The following BBX variants were observed in gnomAD, a reference collection of about 807,000 sequenced individuals.
BBX encodes the protein BBX high mobility group box domain containing.
A neutral mutation model predicts 100.2 loss-of-function variants in BBX; 30 were observed. The observed-to-expected ratio is 0.30, with a 90% CI of 0.22 to 0.41. The LOEUF (loss-of-function observed/expected upper bound fraction) is 0.41, where lower values mean the gene tolerates loss of function less well. BBX is among the 10% of genes least tolerant of loss of function. BBX has a pLI of 1.00. For synonymous variants in BBX, 376 were observed against 388.1 expected (o/e 0.97, Z 0.37); for missense variants, 1,023 against 1,129.8 (o/e 0.91, Z 1.35).
intron 7 of BBX, among the ~76,000 whole-genome samples, chr3:107,737,897 T>TTG (rs1481357915): frequency 7.9e-5 from 11 of 140,022 alleles, no homozygotes; most frequent in African/African-American, 2.9e-4. Flanking sequence ...TTTTTTTTTT[T>TTG]TTTTTTTTTT....
chr3:107,718,241 A>C (rs2062252458), intron 5 of BBX, among the ~76,000 whole-genome samples: 1 of 147,648 alleles, frequency 6.8e-6, no homozygotes, highest in Admixed American at 6.8e-5. Flanking sequence ...ATTAGTGTTA[A>C]TATAACTATT....
At chr3:107,666,822 G>A (rs1024772580) in intron 3 of BBX, among the ~76,000 whole-genome samples, 1 of 152,106 alleles carries the variant, frequency 6.6e-6, no homozygotes, top group Non-Finnish European at 1.5e-5. Flanking sequence ...CACCCGCCTC[G>A]GCCTCCCAAA....
chr3:107,752,919 T>C (rs1271755484), intron 9 of BBX, among the ~76,000 whole-genome samples: 1 of 152,230 alleles, frequency 6.6e-6, no homozygotes, highest in Non-Finnish European at 1.5e-5. Flanking sequence ...TGAAAGGATG[T>C]ATATATCTCT....
intron 14 of BBX, among the ~76,000 whole-genome samples, chr3:107,790,304 T>C (rs935470620): frequency 6.6e-6 from 1 of 152,214 alleles, no homozygotes; most frequent in African/African-American, 2.4e-5. Context: ...CCCGTTTCTG[T>C]ACTTCCTCTG....
intron 2 of BBX, among the ~76,000 whole-genome samples, chr3:107,561,843 A>G (rs1040026335): frequency 8.5e-5 from 13 of 152,182 alleles, no homozygotes; most frequent in Admixed American, 5.2e-4. Flanking sequence ...AAGTTCATGC[A>G]TATTTGTTAT....
chr3:107,550,359 A>G (rs1480344451), intron 2 of BBX, among the ~76,000 whole-genome samples: 1 of 152,096 alleles, frequency 6.6e-6, no homozygotes, highest in Admixed American at 6.5e-5. Flanking sequence ...TTTTGACGCT[A>G]TTGTTGGGGA....
chr3:107,802,868 T>C (rs1217590339), intron 17 of BBX, among the ~76,000 whole-genome samples: 1 of 152,196 alleles, frequency 6.6e-6, no homozygotes, highest in African/African-American at 2.4e-5. Context: ...TCAGGTGAAC[T>C]GCTCTCCTTC....
At chr3:107,684,976 T>C (rs1199737783) in intron 3 of BBX, among the ~76,000 whole-genome samples, 1 of 152,208 alleles carries the variant, frequency 6.6e-6, no homozygotes. Flanking sequence ...TTACATATTT[T>C]AGAAAGTAGA....
chr3:107,688,189 A>G (rs962274916), intron 3 of BBX, among the ~76,000 whole-genome samples: 2 of 152,236 alleles, frequency 1.3e-5, no homozygotes, highest in Admixed American at 6.5e-5. Flanking sequence ...TTACTTTCCT[A>G]TAAAGGCCCA....
intron 2 of BBX, among the ~76,000 whole-genome samples, chr3:107,586,801 A>G (rs2052878742): frequency 6.6e-6 from 1 of 151,444 alleles, no homozygotes; most frequent in Admixed American, 6.6e-5. Flanking sequence ...CCCAGGCTAG[A>G]GTGCAATGGT....
chr3:107,791,404 C>T (rs2107941739), intron 15 of BBX, 105 bp downstream of exon 15: 1 of 917,556 alleles, frequency 1.1e-6, no homozygotes, highest in East Asian at 2.5e-5. Flanking sequence ...AACAACAGCA[C>T]TAGACTTATG....
At chr3:107,666,849 G>A (rs1219251793) in intron 3 of BBX, among the ~76,000 whole-genome samples, 2 of 152,026 alleles carry the variant, frequency 1.3e-5, no homozygotes, top group East Asian at 3.9e-4. Flanking sequence ...GGATTACAGG[G>A]GCGAGCCACT....
In BBX at chr3:107,808,624, A is replaced by T. The variant is rs2071173988; in HGVS notation, c.*3167A>T. ...AGTGAAAGAAAAAATACTGTAAGAC[A>T]TCCTTAAAGTTTTTATTTGTTTGGG... On this transcript the variant is annotated 3_prime_UTR_variant, in exon 18 of 18. Transcript: ENST00000325805. 1 of 152,202 alleles carries T rather than the reference A, an allele frequency of 6.6e-6. No homozygotes were observed. The allele number at this position is 152,202 out of a possible 1,614,324, so 9.4% of individuals were successfully genotyped here. A position where few individuals can be genotyped will look rare whatever the true frequency, so the allele number is the denominator to read the frequency against.
At chr3:107,634,583 T>G (rs1576099161) in intron 2 of BBX, among the ~76,000 whole-genome samples, 1 of 152,348 alleles carries the variant, frequency 6.6e-6, no homozygotes, top group Non-Finnish European at 1.5e-5. Context: ...CCAAAATTTA[T>G]TATATGAAAC....
Position 107,612,975 on chromosome 3 carries a change from A to G in BBX, c.-83-32861A>G, listed in dbSNP as rs539248008. 5.9e-5 allele frequency among the ~76,000 whole-genome samples: 9 copies of G among 151,418 alleles called. No homozygotes were observed. In the East Asian group the frequency reaches 1.8e-3, roughly 30 times the overall value. ...GAAACCACAAGACAAAGTCCTTCTC[A>G]CTCTTCCCTCCCCTTTCCCCAGGCA... On this transcript the variant is annotated intron_variant, in intron 2 of 17. Coordinates refer to ENST00000325805, the MANE Select transcript of BBX (RefSeq NM_001142568.3).
At chr3:107,763,277 T>C (rs1178637018) in intron 10 of BBX, among the ~76,000 whole-genome samples, 1 of 150,036 alleles carries the variant, frequency 6.7e-6, no homozygotes, top group Non-Finnish European at 1.5e-5. Context: ...CAGGCTGGAG[T>C]GCGGTGGCGC....
At chr3:107,722,147 T>A (rs1246487336) in intron 5 of BBX, among the ~76,000 whole-genome samples, 1 of 152,022 alleles carries the variant, frequency 6.6e-6, no homozygotes, top group African/African-American at 2.4e-5. Context: ...AGTGAACTAT[T>A]TGATTTTGAA....
chr3:107,580,264 G>C (rs1256839472), intron 2 of BBX, among the ~76,000 whole-genome samples: 2 of 151,994 alleles, frequency 1.3e-5, no homozygotes, highest in Admixed American at 1.3e-4. Context: ...CACTTACTAG[G>C]AGTTTATGTT....
chr3:107,722,976 T>C (rs1364451964), intron 5 of BBX, among the ~76,000 whole-genome samples: 7 of 152,088 alleles, frequency 4.6e-5, no homozygotes, highest in Non-Finnish European at 1.0e-4. Context: ...GAATTTATTA[T>C]GCTAGATATT....
Sources: allele counts gnomAD v4.1 joint callset (sites outside exome capture counted in the v4.1 genomes callset), GRCh38; gene constraint gnomAD v4.1.1; transcripts MANE v1.5; gene names NCBI Gene and HGNC (gene_info 2026-07-23, HGNC 2026-07-21).